Variants in RIMBP2 observed in about 807,000 individuals in gnomAD.
RIMBP2 encodes the protein RIMS-binding protein 2.
A neutral mutation model predicts 118.6 loss-of-function variants in RIMBP2; 48 were observed. The ratio of observed to expected loss-of-function variants is 0.40; its 90% CI spans 0.32 to 0.51. The LOEUF is 0.51. Ranked by LOEUF, RIMBP2 falls within the 20% of genes least tolerant of loss-of-function variation. The pLI is 0.41. For missense variants in RIMBP2, 1,551 were observed against 1,768.3 expected, an observed-to-expected ratio of 0.88 and a Z score of 2.20; for synonymous variants, 762 against 742.9, an observed-to-expected ratio of 1.03 and a Z score of -0.42.
intron 2 of RIMBP2, among the ~76,000 whole-genome samples, chr12:130,565,183 T>C (rs1298545894): frequency 6.6e-6 from 1 of 152,198 alleles, no homozygotes; most frequent in Non-Finnish European, 1.5e-5. Flanking sequence ...GGTGTGATCA[T>C]GGCTCACTGC....
At chr12:130,613,226 C>CG (rs2060669293) in intron 2 of RIMBP2, among the ~76,000 whole-genome samples, 1 of 152,210 alleles carries the variant, frequency 6.6e-6, no homozygotes, top group South Asian at 2.1e-4. Flanking sequence ...GGCGGGTTGC[C>CG]GGGGCCAACA....
At chr12:130,574,536 T>C (rs2057939216) in intron 2 of RIMBP2, among the ~76,000 whole-genome samples, 1 of 152,166 alleles carries the variant, frequency 6.6e-6, no homozygotes, top group Non-Finnish European at 1.5e-5. Flanking sequence ...GCTCCCAGTG[T>C]GTGTGAGAGA....
At chr12:130,520,672 C>CAAAAAA (rs1162018669) in intron 2 of RIMBP2, among the ~76,000 whole-genome samples, 2 of 68,814 alleles carry the variant, frequency 2.9e-5, no homozygotes, top group Admixed American at 1.9e-4. Flanking sequence ...AACTCCATCT[C>CAAAAAA]AAAAAAAAAA....
chr12:130,507,499 CATCTT>C lies in RIMBP2; in HGVS notation c.-126-734_-126-730del, dbSNP rs535570741. 3.5e-4 allele frequency among the ~76,000 whole-genome samples: 54 copies of C among 152,312 alleles called. 1 individual carries two copies. The highest frequency in any genetic ancestry group is 1.2e-3 in the African/African-American group (51 of 41,570). ...TTATTCTTGTCTAAAAATTTTATCT[CATCTT>C]AAAAGTGAATAAAAATGCCAATGAA... On this transcript the variant is annotated intron_variant, in intron 3 of 22. Coordinates refer to ENST00000690449, the MANE Select transcript of RIMBP2 (RefSeq NM_001393629.1).
At chr12:130,653,276 T>C (rs1321546770) in intron 1 of RIMBP2, among the ~76,000 whole-genome samples, 1 of 152,182 alleles carries the variant, frequency 6.6e-6, no homozygotes, top group African/African-American at 2.4e-5. Context: ...TGGGTAAAGA[T>C]TCCCATTCCA....
intron 1 of RIMBP2, among the ~76,000 whole-genome samples, chr12:130,696,288 A>T (rs1360559884): frequency 6.6e-6 from 1 of 152,238 alleles, no homozygotes; most frequent in African/African-American, 2.4e-5. Context: ...AGCTCCTGAA[A>T]GGAAGAGGCC....
rs1370081593 is a variant in RIMBP2 at position 130,442,913 on chromosome 12, G to A, written c.692-253C>T. On this transcript the variant is annotated intron_variant, in intron 10 of 22. Coordinates refer to ENST00000690449, the MANE Select transcript of RIMBP2 (RefSeq NM_001393629.1). The surrounding 1 kb of genome is among the most constrained non-coding windows in gnomAD (Gnocchi z 6.9). ...ATCGCAACCTGAAACCATCATGTTT[G>A]TGTATCCGTGTACGTACACTGACTA... Among the ~76,000 whole-genome samples the A allele has an allele frequency of 6.6e-6, 1 of 152,100 alleles. No homozygotes were observed. The highest frequency in any genetic ancestry group is 1.5e-5 in the Non-Finnish European group (1 of 68,038).
Position 130,444,664 on chromosome 12 carries a change from G to A in RIMBP2, c.691+496C>T, listed in dbSNP as rs551275291. On this transcript the variant is annotated intron_variant, in intron 10 of 22. Coordinates refer to ENST00000690449, the MANE Select transcript of RIMBP2 (RefSeq NM_001393629.1). ...AGGAGACCTCGAGGGAATGAGCAGG[G>A]GCAACCTGGGGCCACCCCCTAAGTT... Among the ~76,000 whole-genome samples, 10 of 152,308 alleles carry A rather than the reference G, an allele frequency of 6.6e-5. 1 individual carries two copies. The highest frequency in any genetic ancestry group is 2.4e-4 in the African/African-American group (10 of 41,564).
intron 1 of RIMBP2, among the ~76,000 whole-genome samples, chr12:130,678,678 C>T (rs1043561486): frequency 2.6e-5 from 4 of 152,186 alleles, no homozygotes; most frequent in African/African-American, 9.7e-5. Context: ...CCACCATGCC[C>T]AGCTAATTTT....
intron 2 of RIMBP2, among the ~76,000 whole-genome samples, chr12:130,595,419 G>C (rs148454104): frequency 6.6e-6 from 1 of 152,208 alleles, no homozygotes; most frequent in African/African-American, 2.4e-5. Flanking sequence ...TTAGCCGGGC[G>C]TGGTGGCGGG....
At chr12:130,505,771 C>G (rs1180775218) in intron 4 of RIMBP2, among the ~76,000 whole-genome samples, 1 of 1,520 alleles carries the variant, frequency 6.6e-4, no homozygotes, top group African/African-American at 3.2e-3. Context: ...CCACCCCCCA[C>G]CCCCTCCACT....
intron 1 of RIMBP2, among the ~76,000 whole-genome samples, chr12:130,647,245 C>G (rs1332120720): frequency 1.3e-5 from 2 of 152,152 alleles, no homozygotes; most frequent in Admixed American, 1.3e-4. Flanking sequence ...CACCTGTAAT[C>G]CTAGCTACTC....
Position 130,542,672 on chromosome 12 carries a change from C to T in RIMBP2, c.-216-24755G>A, listed in dbSNP as rs143703943. On this transcript the variant is annotated intron_variant, in intron 2 of 22. Transcript: ENST00000690449. ...TAGTCAAGGAAGGAGAACACAGAGG[C>T]CAGCAGCCCAACAAGACACATACAG... is the stretch of plus-strand genomic sequence containing the variant. Among the ~76,000 whole-genome samples, 547 of 152,288 alleles carry T rather than the reference C, an allele frequency of 3.6e-3. 4 individuals carry two copies. Among genetic ancestry groups the T allele is most frequent in the South Asian group, 8.5e-3 (41 of 4,820 alleles).
intron 1 of RIMBP2, among the ~76,000 whole-genome samples, chr12:130,694,905 A>T (rs546247743): frequency 6.6e-6 from 1 of 152,136 alleles, no homozygotes; most frequent in Non-Finnish European, 1.5e-5. Context: ...GCAAACACTA[A>T]CCAAATGGGT....
At position 130,514,150 on chromosome 12, in the gene RIMBP2, G is replaced by A. The variant is rs561653987; in HGVS notation, c.-127+3678C>T. 7.2e-5 allele frequency among the ~76,000 whole-genome samples: 11 copies of A among 152,336 alleles called. No individual in the cohort carries two copies. In the East Asian group the frequency reaches 2.1e-3, roughly 29 times the overall value. ...GCCAAGCTCCGCAAAGCAGGCTGCA[G>A]GACAGATCTGGGGTGCCCCTGCTGC... On this transcript the variant is annotated intron_variant, in intron 3 of 22. Transcript: ENST00000690449.
intron 1 of RIMBP2, among the ~76,000 whole-genome samples, chr12:130,674,201 T>A (rs2064335162): frequency 6.6e-6 from 1 of 152,172 alleles, no homozygotes; most frequent in Non-Finnish European, 1.5e-5. Flanking sequence ...GCCTTCTCCT[T>A]CGCTTCTCTC....
chr12:130,517,684 G>A lies in RIMBP2; in HGVS notation c.-127+144C>T, dbSNP rs2051621143. ...CCTCACGTGCTGGTCATGTGAAGAA[G>A]TGAGAGAGACCTGGCTCAGCCTCTC... On this transcript the variant is annotated intron_variant, in intron 3 of 22. Coordinates refer to ENST00000690449, the MANE Select transcript of RIMBP2 (RefSeq NM_001393629.1). 4 of 163,178 alleles carry A rather than the reference G, an allele frequency of 2.5e-5. No homozygotes were observed. In the South Asian group the frequency reaches 8.0e-4, roughly 33 times the overall value. 10.1% of individuals were successfully genotyped at this position (163,178 alleles called of 1,614,324 possible).
chr12:130,681,900 C>T (rs1015907109), intron 1 of RIMBP2, among the ~76,000 whole-genome samples: 6 of 152,128 alleles, frequency 3.9e-5, no homozygotes, highest in Non-Finnish European at 8.8e-5. Context: ...TATCACCATG[C>T]TGGCCAGACT....
intron 1 of RIMBP2, among the ~76,000 whole-genome samples, chr12:130,708,787 C>G (rs1170045709): frequency 6.6e-6 from 1 of 152,236 alleles, no homozygotes; most frequent in African/African-American, 2.4e-5. Flanking sequence ...GCCCTGGACA[C>G]AGGCGTGTTT....
Sources: gnomAD v4.1 joint callset for allele counts (sites outside exome capture counted in the v4.1 genomes callset) on GRCh38, gnomAD v4.1.1 for gene constraint, Gnocchi (gnomAD v3.1) non-coding constraint, MANE v1.5 for transcripts, NCBI Gene and HGNC (gene_info 2026-07-23, HGNC 2026-07-21) for gene names.